The following MYLK variants were observed in gnomAD, a reference collection of about 807,000 sequenced individuals.
MYLK encodes myosin light chain kinase.
MYLK carries 106 observed loss-of-function variants against 203.4 expected under a neutral mutation model. The ratio of observed to expected loss-of-function variants is 0.52; its 90% CI spans 0.45 to 0.61. The LOEUF (loss-of-function observed/expected upper bound fraction) is 0.61. Among genes scored for constraint, MYLK ranks in the 20% least tolerant of loss-of-function variants. The pLI, the probability that MYLK is intolerant of heterozygous loss-of-function variation, is 0.00. For synonymous variants in MYLK, 867 were observed against 959.5 expected (o/e 0.90, Z 1.78); for missense variants, 2,072 against 2,442.3 (o/e 0.85, Z 3.20).
intron 3 of MYLK, among the ~76,000 whole-genome samples, chr3:123,820,488 C>A (rs1282398343): frequency 6.6e-6 from 1 of 152,182 alleles, no homozygotes; most frequent in African/African-American, 2.4e-5. Context: ...GGGACATGAT[C>A]TTCACTCCTG....
intron 3 of MYLK, among the ~76,000 whole-genome samples, chr3:123,802,008 C>T (rs1287241428): frequency 6.6e-6 from 1 of 152,190 alleles, no homozygotes; most frequent in Non-Finnish European, 1.5e-5. Flanking sequence ...CTCCAAACTG[C>T]CCCAGTGGCT....
intron 12 of MYLK, among the ~76,000 whole-genome samples, chr3:123,725,246 G>C (rs1306624121): frequency 6.6e-6 from 1 of 152,138 alleles, no homozygotes; most frequent in Non-Finnish European, 1.5e-5. Context: ...ACCCTCCCTG[G>C]GGATCCCCAC....
chr3:123,750,703 AGGGAAC>A (rs1210972160), intron 5 of MYLK, among the ~76,000 whole-genome samples: 2 of 152,186 alleles, frequency 1.3e-5, no homozygotes, highest in Non-Finnish European at 2.9e-5. Context: ...AACTCAGAAG[AGGGAAC>A]AGGGTAATTT....
At chr3:123,743,015 G>C (rs753336660) in intron 5 of MYLK, among the ~76,000 whole-genome samples, 5 of 152,082 alleles carry the variant, frequency 3.3e-5, no homozygotes, top group Non-Finnish European at 7.4e-5. Flanking sequence ...TTTCCATTTG[G>C]GGTAATAAAC....
chr3:123,824,288 C>T (rs866569284), intron 3 of MYLK, among the ~76,000 whole-genome samples: 3 of 152,160 alleles, frequency 2.0e-5, no homozygotes, highest in African/African-American at 2.4e-5. Flanking sequence ...CAGGGTTTCA[C>T]TATGTTGGCC....
At chr3:123,862,032 C>T (rs555747387) in intron 2 of MYLK, among the ~76,000 whole-genome samples, 50 of 152,208 alleles carry the variant, frequency 3.3e-4, no homozygotes, top group Non-Finnish European at 6.5e-4. Flanking sequence ...GCTCCAGGCC[C>T]GTGGGGGCTC....
chr3:123,778,511 TCAAA>T (rs2064162980), intron 4 of MYLK, among the ~76,000 whole-genome samples: 1 of 24,710 alleles, frequency 4.0e-5, no homozygotes, highest in African/African-American at 1.4e-4. Flanking sequence ...AGACTCTGCC[TCAAA>T]AAAAAAAAAA....
At chr3:123,870,100 G>C (rs1404166194) in intron 2 of MYLK, among the ~76,000 whole-genome samples, 1 of 152,174 alleles carries the variant, frequency 6.6e-6, no homozygotes, top group East Asian at 1.9e-4. Flanking sequence ...CTGGAAAGGG[G>C]TCAATCAAGC....
At chr3:123,715,315 G>A (rs369669262) in intron 13 of MYLK, among the ~76,000 whole-genome samples, 5 of 152,312 alleles carry the variant, frequency 3.3e-5, no homozygotes, top group Admixed American at 6.5e-5. Flanking sequence ...TGCTGCTGCT[G>A]ATCACCTGGA....
chr3:123,820,980 C>T lies in MYLK; in HGVS notation c.-4+10568G>A, dbSNP rs369468086. Among the ~76,000 whole-genome samples the T allele has an allele frequency of 1.0e-3, 153 of 152,212 alleles. 3 individuals carry two copies. The South Asian group carries it at 0.029, about 29-fold the overall frequency. ...CCGACCTCAAGTGATCCACCCACCT[C>T]GGTCTCCCAAAGTGCTGGGATTACA... On this transcript the variant is annotated intron_variant, in intron 3 of 33. Coordinates refer to ENST00000360304, the MANE Select transcript of MYLK (RefSeq NM_053025.4).
chr3:123,692,829 G>A lies in MYLK; in HGVS notation c.3471C>T (p.Ile1157=), dbSNP rs780323793. The change falls in exon 19 of 34, where the codon ATC becomes ATT. Residue 1157 remains isoleucine, a synonymous_variant. Coordinates refer to ENST00000360304, the MANE Select transcript of MYLK (RefSeq NM_053025.4). The part of the protein sequence containing the change: ...SQEGSLCSVS[I]EKALPEDRGL... ...CTCTGTCCTCAGGCAGTGCCTTCTC[G>A]ATGGAGACGGAGCAGAGTGAGCCTG... is the stretch of plus-strand genomic sequence containing the variant. 8 of 1,614,006 alleles carry A rather than the reference G, an allele frequency of 5.0e-6. No homozygotes were observed. The highest frequency in any genetic ancestry group is 1.3e-5 in the African/African-American group (1 of 75,042).
chr3:123,738,100 T>C (rs1344046242), intron 7 of MYLK, among the ~76,000 whole-genome samples: 3 of 151,358 alleles, frequency 2.0e-5, no homozygotes, highest in Non-Finnish European at 4.4e-5. Flanking sequence ...ATAAATCCCT[T>C]CTACATGGAG....
At chr3:123,807,679 G>C (rs2109208324) in intron 3 of MYLK, among the ~76,000 whole-genome samples, 1 of 152,332 alleles carries the variant, frequency 6.6e-6, no homozygotes, top group South Asian at 2.1e-4. Context: ...TGGCAAATTT[G>C]TGCAAGGCTG....
At chr3:123,820,422 TG>T (rs1369551021) in intron 3 of MYLK, among the ~76,000 whole-genome samples, 1 of 152,182 alleles carries the variant, frequency 6.6e-6, no homozygotes, top group Non-Finnish European at 1.5e-5. Context: ...AGTGGAAAGC[TG>T]GTAGATACAG....
intron 4 of MYLK, among the ~76,000 whole-genome samples, chr3:123,786,591 G>A (rs1048940368): frequency 7.9e-5 from 12 of 151,848 alleles, no homozygotes; most frequent in Non-Finnish European, 1.3e-4. Flanking sequence ...CCTACTATTC[G>A]ATAGCACAAC....
chr3:123,709,747 G>C lies in MYLK; in HGVS notation c.1942+9C>G, dbSNP rs1369421729. 2 of 1,613,560 alleles carry C rather than the reference G, an allele frequency of 1.2e-6. No homozygotes were observed. Among genetic ancestry groups the C allele is most frequent in the South Asian group, 1.1e-5 (1 of 91,056 alleles). ...TGTTAATCCCCAAGAGAGAGCTGCA[G>C]AGACAGACCTGACACTTGGACAGTC... is the stretch of plus-strand genomic sequence containing the variant. On this transcript the variant is annotated intron_variant, in intron 14 of 33. Transcript: ENST00000360304.
chr3:123,653,935 C>G (rs1399408722), intron 24 of MYLK, among the ~76,000 whole-genome samples: 1 of 151,908 alleles, frequency 6.6e-6, no homozygotes, highest in Non-Finnish European at 1.5e-5. Flanking sequence ...TGATTGCCCC[C>G]CTGGGACCCA....
At chr3:123,811,583 C>T (rs1222560040) in intron 3 of MYLK, among the ~76,000 whole-genome samples, 1 of 152,176 alleles carries the variant, frequency 6.6e-6, no homozygotes, top group African/African-American at 2.4e-5. Context: ...ACCGGGGACA[C>T]TGTGCTAAAC....
rs538846761 is a variant in MYLK, at chr3:123,872,631, G to A, written c.-127+3928C>T. On this transcript the variant is annotated intron_variant, in intron 2 of 33. Coordinates refer to ENST00000360304, the MANE Select transcript of MYLK (RefSeq NM_053025.4). Reference sequence around the variant, plus strand: ...CTTATATTTGCCAGTTTATTTTACAGGATACAATCTAGGAACAGCCAAATG... The same window carrying A: ...CTTATATTTGCCAGTTTATTTTACAAGATACAATCTAGGAACAGCCAAATG... Among the ~76,000 whole-genome samples, 38 of 152,218 alleles carry A rather than the reference G, an allele frequency of 2.5e-4. No individual in the cohort carries two copies. In the South Asian group the frequency reaches 7.7e-3, roughly 31 times the overall value.
Sources: allele counts gnomAD v4.1 joint callset (sites outside exome capture counted in the v4.1 genomes callset), GRCh38; gene constraint gnomAD v4.1.1; transcripts MANE v1.5; gene names NCBI Gene and HGNC (gene_info 2026-07-23, HGNC 2026-07-21).